The following MEIKIN variants were observed in gnomAD, a reference collection of about 807,000 sequenced individuals.
MEIKIN encodes the protein meiotic kinetochore factor, also known as meiosis-specific kinetochore protein.
intron 11 of MEIKIN, among the ~76,000 whole-genome samples, chr5:131,839,039 C>T (rs573392245): frequency 1.1e-4 from 17 of 152,272 alleles, no homozygotes; most frequent in South Asian, 8.3e-4. Flanking sequence ...CCTAGAGATT[C>T]TGGCATGTTT....
intron 5 of MEIKIN, among the ~76,000 whole-genome samples, chr5:131,931,859 T>C (rs1197580513): frequency 6.6e-6 from 1 of 152,212 alleles, no homozygotes; most frequent in Non-Finnish European, 1.5e-5. Flanking sequence ...TATCTCTTTT[T>C]AATGTTAGAG....
intron 4 of MEIKIN, among the ~76,000 whole-genome samples, chr5:131,937,388 G>A (rs767036295): frequency 1.3e-5 from 2 of 152,000 alleles, no homozygotes; most frequent in Non-Finnish European, 2.9e-5. Flanking sequence ...GGTGACAAGA[G>A]AGCCTTGGTG....
chr5:131,875,631 T>C (rs567236402), intron 9 of MEIKIN, among the ~76,000 whole-genome samples: 27 of 152,178 alleles, frequency 1.8e-4, no homozygotes, highest in Middle Eastern at 3.4e-3. Context: ...CTTCACATAA[T>C]TGGAAAAAAC....
chr5:131,822,736 C>T (rs1403468169), intron 11 of MEIKIN, among the ~76,000 whole-genome samples: 1 of 152,082 alleles, frequency 6.6e-6, no homozygotes, highest in Non-Finnish European at 1.5e-5. Flanking sequence ...CAATGTTATA[C>T]TATTCTGTTT....
chr5:131,873,202 A>G (rs1410467953), intron 9 of MEIKIN, among the ~76,000 whole-genome samples: 5 of 152,194 alleles, frequency 3.3e-5, no homozygotes, highest in East Asian at 3.8e-4. Flanking sequence ...ACACAGACTG[A>G]CAAATTGGAT....
chr5:131,849,780 G>A (rs1750080258), intron 11 of MEIKIN, among the ~76,000 whole-genome samples: 1 of 151,772 alleles, frequency 6.6e-6, no homozygotes, highest in African/African-American at 2.4e-5. Context: ...AAAAAGGCAA[G>A]GATGTCTGCA....
intron 9 of MEIKIN, among the ~76,000 whole-genome samples, chr5:131,869,336 T>C (rs1222293014): frequency 1.3e-5 from 2 of 152,244 alleles, no homozygotes; most frequent in Non-Finnish European, 2.9e-5. Flanking sequence ...GTTCCATCGA[T>C]CTGTTTGTTT....
intron 9 of MEIKIN, among the ~76,000 whole-genome samples, chr5:131,874,249 C>T (rs1205848543): frequency 1.3e-5 from 2 of 151,934 alleles, no homozygotes; most frequent in African/African-American, 2.4e-5. Flanking sequence ...AGACCGCTAG[C>T]AAGACTAATA....
At chr5:131,838,524 A>G (rs1461168545) in intron 11 of MEIKIN, among the ~76,000 whole-genome samples, 1 of 151,638 alleles carries the variant, frequency 6.6e-6, no homozygotes, top group South Asian at 2.1e-4. Flanking sequence ...TATTCAGGAA[A>G]TCATTATTCA....
intron 5 of MEIKIN, among the ~76,000 whole-genome samples, chr5:131,931,062 C>T (rs1328780731): frequency 1.3e-5 from 2 of 152,166 alleles, no homozygotes; most frequent in Admixed American, 6.5e-5. Context: ...TCAGCATCTA[C>T]GCATTAGAAA....
chr5:131,898,710 G>A (rs1318913651), intron 8 of MEIKIN, among the ~76,000 whole-genome samples: 3 of 152,238 alleles, frequency 2.0e-5, no homozygotes, highest in East Asian at 1.9e-4. Flanking sequence ...GCAAAACTCC[G>A]TGGGCATGGG....
At chr5:131,839,990 C>CT (rs1749875663) in intron 11 of MEIKIN, among the ~76,000 whole-genome samples, 1 of 152,186 alleles carries the variant, frequency 6.6e-6, no homozygotes, top group Non-Finnish European at 1.5e-5. Flanking sequence ...TGGTAACAGT[C>CT]TTTACTTCCC....
intron 8 of MEIKIN, among the ~76,000 whole-genome samples, chr5:131,889,113 G>A (rs1226986938): frequency 1.3e-5 from 2 of 152,142 alleles, no homozygotes; most frequent in Non-Finnish European, 2.9e-5. Flanking sequence ...GGTTACTGTA[G>A]CCTTGTAGTA....
intron 9 of MEIKIN, among the ~76,000 whole-genome samples, chr5:131,855,600 T>G (rs1198200154): frequency 1.0e-4 from 14 of 136,720 alleles, no homozygotes; most frequent in East Asian, 2.1e-4. Context: ...GGAGAGGAGG[T>G]AGGAGAGGAA....
chr5:131,871,179 C>T (rs935810484), intron 9 of MEIKIN, among the ~76,000 whole-genome samples: 10 of 152,258 alleles, frequency 6.6e-5, no homozygotes, highest in Admixed American at 1.3e-4. Flanking sequence ...GTGCACCGTG[C>T]GCAAGCCGAA....
intron 9 of MEIKIN, among the ~76,000 whole-genome samples, chr5:131,862,911 C>A (rs1052208503): frequency 6.6e-6 from 1 of 152,092 alleles, no homozygotes; most frequent in Non-Finnish European, 1.5e-5. Flanking sequence ...GTTGCCCAGG[C>A]TGGTCTCAAA....
intron 12 of MEIKIN, among the ~76,000 whole-genome samples, chr5:131,817,472 C>A (rs891319619): frequency 3.3e-5 from 5 of 151,866 alleles, no homozygotes; most frequent in African/African-American, 1.2e-4. Flanking sequence ...AAAAATTAGC[C>A]GGGCGTGGTG....
intron 8 of MEIKIN, among the ~76,000 whole-genome samples, chr5:131,898,899 C>T (rs992881035): frequency 2.6e-5 from 4 of 152,194 alleles, no homozygotes; most frequent in Admixed American, 6.5e-5. Flanking sequence ...GGCAATGCCC[C>T]GCCCTCCTTC....
intron 5 of MEIKIN, among the ~76,000 whole-genome samples, chr5:131,931,590 G>A (rs567347398): frequency 8.5e-5 from 13 of 152,146 alleles, no homozygotes; most frequent in Non-Finnish European, 1.9e-4. Context: ...TGTGGTATGG[G>A]TTTCCTCTCA....
Sources: allele counts gnomAD v4.1 joint callset (sites outside exome capture counted in the v4.1 genomes callset), GRCh38; gene constraint gnomAD v4.1.1; transcripts MANE v1.5; gene names NCBI Gene and HGNC (gene_info 2026-07-23, HGNC 2026-07-21).